The following PTGER3 variants were observed in gnomAD, a reference collection of about 807,000 sequenced individuals.
PTGER3 encodes the protein prostaglandin E2 receptor EP3 subtype.
PTGER3 carries 22 observed loss-of-function variants against 34.7 expected under a neutral mutation model. That is an observed-to-expected ratio of 0.63 (90% CI 0.45 to 0.91). PTGER3 has a LOEUF of 0.91. Among genes scored for constraint, PTGER3 ranks in the 40% least tolerant of loss-of-function variants. The pLI is 0.00. For synonymous variants in PTGER3, 241 were observed against 230.1 expected, an observed-to-expected ratio of 1.05 and a Z score of -0.43; for missense variants, 468 against 519.4, an observed-to-expected ratio of 0.90 and a Z score of 0.96.
chr1:70,993,123 A>T (rs143976784), intron 2 of PTGER3, among the ~76,000 whole-genome samples: 1 of 152,282 alleles, frequency 6.6e-6, no homozygotes, highest in African/African-American at 2.4e-5. Flanking sequence ...CCACTTCCAG[A>T]TATTCTCTTA....
rs985140817 is a variant in PTGER3, at chr1:70,923,414, A to G, written c.*23+30349T>C. Reference sequence around the variant, plus strand: ...GCTGTCCTAAGACTTTTTATCATCCACAGACAATTTTTGTCCTGTTTTAAT... The same window carrying G: ...GCTGTCCTAAGACTTTTTATCATCCGCAGACAATTTTTGTCCTGTTTTAAT... On this transcript the variant is annotated intron_variant, in intron 4 of 4. Transcript: ENST00000370931. 2.6e-5 allele frequency among the ~76,000 whole-genome samples: 4 copies of G among 152,158 alleles called. No individual in the cohort carries two copies. In the East Asian group the frequency reaches 7.7e-4, roughly 29 times the overall value.
chr1:70,898,468 G>A (rs961884687), intron 4 of PTGER3, among the ~76,000 whole-genome samples: 20 of 152,152 alleles, frequency 1.3e-4, no homozygotes, highest in East Asian at 9.7e-4. Flanking sequence ...ATCTCCTCTC[G>A]AATGCCTTCC....
At chr1:70,959,492 C>T (rs1376976267) in intron 2 of PTGER3, among the ~76,000 whole-genome samples, 3 of 151,954 alleles carry the variant, frequency 2.0e-5, no homozygotes, top group African/African-American at 4.8e-5. Flanking sequence ...TTCCGAGTAG[C>T]TAGGATTACA....
At chr1:70,886,837 A>G (rs1646508786) in intron 4 of PTGER3, among the ~76,000 whole-genome samples, 1 of 152,180 alleles carries the variant, frequency 6.6e-6, no homozygotes, top group Non-Finnish European at 1.5e-5. Context: ...GTGACTTGCC[A>G]AGGTCATACT....
chr1:70,981,770 A>G (rs780974284), intron 2 of PTGER3, among the ~76,000 whole-genome samples: 4 of 151,798 alleles, frequency 2.6e-5, no homozygotes, highest in Non-Finnish European at 4.4e-5. Context: ...GTTTTGATCT[A>G]TTTCCTATGG....
At chr1:71,007,506 C>A in intron 2 of PTGER3, 1 of 985,366 alleles carries the variant, frequency 1.0e-6, no homozygotes, top group Non-Finnish European at 1.2e-6. Flanking sequence ...TAAATGCAGT[C>A]GGTCCCTTCC....
chr1:71,027,444 A>G (rs1422031800), intron 1 of PTGER3, among the ~76,000 whole-genome samples: 1 of 152,208 alleles, frequency 6.6e-6, no homozygotes, highest in Non-Finnish European at 1.5e-5. Context: ...ATTAAAAACA[A>G]AAGATTTTAT....
chr1:71,010,734 A>C, intron 2 of PTGER3: 1 of 985,178 alleles, frequency 1.0e-6, no homozygotes, highest in South Asian at 4.7e-5. Flanking sequence ...GATTAGTAGA[A>C]CCATCATTAA....
chr1:70,910,341 T>C (rs1163592855), intron 4 of PTGER3, among the ~76,000 whole-genome samples: 1 of 152,228 alleles, frequency 6.6e-6, no homozygotes, highest in African/African-American at 2.4e-5. Context: ...CCATAATCTC[T>C]GGTCCACCAA....
chr1:70,891,499 A>G (rs1646616442), intron 4 of PTGER3, among the ~76,000 whole-genome samples: 1 of 151,958 alleles, frequency 6.6e-6, no homozygotes, highest in Non-Finnish European at 1.5e-5. Context: ...CTCTTTCACT[A>G]TAATTGGTAA....
intron 4 of PTGER3, among the ~76,000 whole-genome samples, chr1:70,871,055 A>G (rs1366806263): frequency 6.6e-6 from 1 of 152,120 alleles, no homozygotes; most frequent in Admixed American, 6.5e-5. Flanking sequence ...GTATTAGGCC[A>G]TTGTTGCATT....
intron 2 of PTGER3, among the ~76,000 whole-genome samples, chr1:71,000,345 C>T (rs1411472595): frequency 6.6e-6 from 1 of 152,196 alleles, no homozygotes; most frequent in Non-Finnish European, 1.5e-5. Flanking sequence ...CTGTCATTGA[C>T]ATGAGAATTT....
chr1:70,903,896 C>T (rs928304443), intron 4 of PTGER3, among the ~76,000 whole-genome samples: 21 of 152,142 alleles, frequency 1.4e-4, no homozygotes, highest in African/African-American at 5.1e-4. Flanking sequence ...CATAAAAATT[C>T]TTCCCTCGGT....
intron 4 of PTGER3, among the ~76,000 whole-genome samples, chr1:70,908,346 T>C (rs1557646883): frequency 6.6e-6 from 1 of 152,188 alleles, no homozygotes; most frequent in Non-Finnish European, 1.5e-5. Flanking sequence ...TGCTCTAATC[T>C]GGATGCCACT....
intron 4 of PTGER3, among the ~76,000 whole-genome samples, chr1:70,890,314 AC>A (rs1646589017): frequency 6.6e-6 from 1 of 152,166 alleles, no homozygotes; most frequent in Non-Finnish European, 1.5e-5. Context: ...TCATTTTACC[AC>A]TGAAAACACT....
At chr1:70,918,726 G>C (rs1000790986) in intron 4 of PTGER3, among the ~76,000 whole-genome samples, 15 of 152,138 alleles carry the variant, frequency 9.9e-5, no homozygotes, top group Admixed American at 7.9e-4. Flanking sequence ...GCTCCTGACA[G>C]CACCAATGTG....
intron 1 of PTGER3, among the ~76,000 whole-genome samples, chr1:71,013,982 G>A (rs1474552455): frequency 6.6e-6 from 1 of 152,098 alleles, no homozygotes; most frequent in East Asian, 1.9e-4. Context: ...AAAGCACACT[G>A]AAATGTTAGA....
intron 4 of PTGER3, among the ~76,000 whole-genome samples, chr1:70,945,575 A>C (rs1204957870): frequency 6.6e-6 from 1 of 152,084 alleles, no homozygotes; most frequent in African/African-American, 2.4e-5. Flanking sequence ...TTACTTTCTC[A>C]TATATTGGTG....
intron 1 of PTGER3, among the ~76,000 whole-genome samples, chr1:71,046,285 C>A (rs1319561614): frequency 9.9e-3 from 798 of 80,902 alleles, no homozygotes; most frequent in African/African-American, 0.011. Flanking sequence ...GACTCCGTCT[C>A]AAAAAAAAAA....
Sources: allele counts gnomAD v4.1 joint callset (sites outside exome capture counted in the v4.1 genomes callset), GRCh38; gene constraint gnomAD v4.1.1; transcripts MANE v1.5; gene names NCBI Gene and HGNC (gene_info 2026-07-23, HGNC 2026-07-21).